The following CCAR1 variants were observed in gnomAD, a reference collection of about 807,000 sequenced individuals.
The protein encoded by CCAR1 is cell division cycle and apoptosis regulator protein 1.
In CCAR1, 78 loss-of-function variants were observed where a neutral mutation model predicts 163.8. That is an observed-to-expected ratio of 0.48 (90% confidence interval 0.40 to 0.57). The LOEUF (loss-of-function observed/expected upper bound fraction) is 0.57. Ranked by LOEUF, CCAR1 falls within the 20% of genes least tolerant of loss-of-function variation. The pLI is 0.00. For missense variants in CCAR1, 1,019 were observed against 1,365.2 expected (o/e 0.75, Z 4.00); for synonymous variants, 443 against 460.7 (o/e 0.96, Z 0.49).
chr10:68,776,331 A>C (rs930429386), intron 19 of CCAR1, among the ~76,000 whole-genome samples: 2 of 151,668 alleles, frequency 1.3e-5, no homozygotes, highest in African/African-American at 4.8e-5. Context: ...TGGGAGGCCA[A>C]GGTGGGTGGA....
intron 16 of CCAR1, among the ~76,000 whole-genome samples, chr10:68,764,232 T>C (rs984348118): frequency 2.0e-5 from 3 of 152,180 alleles, no homozygotes; most frequent in African/African-American, 7.2e-5. Flanking sequence ...TATTTAGTAA[T>C]GAAGCAGCTC....
chr10:68,755,223 A>G, intron 12 of CCAR1, 147 bp from the exon 13 acceptor site: 1 of 793,942 alleles, frequency 1.3e-6, no homozygotes, highest in Non-Finnish European at 2.3e-6. Flanking sequence ...AGTGTGGAAC[A>G]CAATGAACTG....
At chr10:68,782,265 T>C (rs894311801) in intron 19 of CCAR1, among the ~76,000 whole-genome samples, 1 of 152,060 alleles carries the variant, frequency 6.6e-6, no homozygotes, top group African/African-American at 2.4e-5. Flanking sequence ...TCATGAGGTT[T>C]AAGGAAAGCA....
intron 15 of CCAR1, 38 bp from the exon 16 acceptor site, chr10:68,760,969 C>T: frequency 1.8e-5 from 19 of 1,069,506 alleles, no homozygotes; most frequent in African/African-American, 3.3e-5. Context: ...CCCCCGCCAC[C>T]TTTTTTTTTT....
At chr10:68,747,628 C>A in intron 8 of CCAR1, 62 bp downstream of exon 8, 2 of 1,416,072 alleles carry the variant, frequency 1.4e-6, no homozygotes, top group Admixed American at 2.1e-5. Flanking sequence ...TGTAACTATG[C>A]TTTTAATTAC....
At chr10:68,769,828 C>G (rs568163356) in intron 17 of CCAR1, among the ~76,000 whole-genome samples, 1 of 150,750 alleles carries the variant, frequency 6.6e-6, no homozygotes, top group Non-Finnish European at 1.5e-5. Context: ...GTAGGCCCAG[C>G]TACTGGGGAG....
chr10:68,729,697 C>T (rs1041725779), intron 2 of CCAR1, among the ~76,000 whole-genome samples: 7 of 96,378 alleles, frequency 7.3e-5, no homozygotes, highest in Non-Finnish European at 1.3e-4. Flanking sequence ...AGCAAAACTC[C>T]GTCTTAAAAA....
intron 6 of CCAR1, among the ~76,000 whole-genome samples, chr10:68,745,014 A>AT (rs969338822): frequency 3.6e-5 from 5 of 138,838 alleles, no homozygotes; most frequent in South Asian, 2.4e-4. Flanking sequence ...TAATTAATTA[A>AT]TTTTTTTTGA....
At position 68,776,240 on chromosome 10, in the gene CCAR1, CT is replaced by C. The variant is rs141519351; in HGVS notation, c.2650+3145del. 6.5e-3 allele frequency among the ~76,000 whole-genome samples: 922 copies of C among 142,440 alleles called. 7 individuals are homozygous for C. The highest frequency in any genetic ancestry group is 0.026 in the African/African-American group (880 of 33,494). The allele number at this position is 142,440 out of a possible 152,430, so 93.4% of individuals were successfully genotyped here. On this transcript the variant is annotated intron_variant, in intron 19 of 24. Coordinates refer to ENST00000265872, the MANE Select transcript of CCAR1 (RefSeq NM_018237.4). ...TTCTCAAATTTCTAATTTTCTTTTTCTTTTCTTTTCTTTTCTTTTTTTTTTT... is the reference window on the plus strand; with the variant it reads ...TTCTCAAATTTCTAATTTTCTTTTTCTTTCTTTTCTTTTCTTTTTTTTTTT...
chr10:68,760,191 G>T (rs2056450882), intron 15 of CCAR1, among the ~76,000 whole-genome samples: 1 of 152,098 alleles, frequency 6.6e-6, no homozygotes, highest in Non-Finnish European at 1.5e-5. Context: ...CAAGGTCTCT[G>T]TCGCCGCGGC....
intron 16 of CCAR1, among the ~76,000 whole-genome samples, chr10:68,764,401 G>A (rs2133383968): frequency 6.6e-6 from 1 of 151,512 alleles, no homozygotes; most frequent in East Asian, 1.9e-4. Flanking sequence ...AAAAAATTTA[G>A]CCGAGCATGG....
At chr10:68,776,240 C>CT (rs141519351) in intron 19 of CCAR1, among the ~76,000 whole-genome samples, 2 of 142,348 alleles carry the variant, frequency 1.4e-5, no homozygotes, top group Non-Finnish European at 3.0e-5. Flanking sequence ...TTTTCTTTTT[C>CT]TTTTCTTTTC....
chr10:68,726,279 G>C (rs1210812341), intron 2 of CCAR1, among the ~76,000 whole-genome samples: 1 of 151,904 alleles, frequency 6.6e-6, no homozygotes, highest in East Asian at 1.9e-4. Context: ...AGCCTCCCAA[G>C]TAGCTGGGAC....
chr10:68,749,020 GA>G, intron 8 of CCAR1, 115 bp from the exon 9 acceptor site: 1 of 1,293,124 alleles, frequency 7.7e-7, no homozygotes, highest in Non-Finnish European at 1.1e-6. Context: ...GGCCAACTTT[GA>G]AAAAACAATT....
intron 19 of CCAR1, among the ~76,000 whole-genome samples, chr10:68,785,633 G>C (rs1169737401): frequency 6.6e-6 from 1 of 152,182 alleles, no homozygotes; most frequent in African/African-American, 2.4e-5. Context: ...CTCCCAAGTT[G>C]TGCCTGTATG....
chr10:68,723,494 C>CTCAT (rs1279639064), intron 2 of CCAR1, among the ~76,000 whole-genome samples: 1 of 151,958 alleles, frequency 6.6e-6, no homozygotes, highest in African/African-American at 2.4e-5. Context: ...AGTTTAGCTA[C>CTCAT]TCATTCATTA....
chr10:68,785,366 G>A (rs534022415), intron 19 of CCAR1, among the ~76,000 whole-genome samples: 6 of 151,972 alleles, frequency 3.9e-5, no homozygotes, highest in South Asian at 4.2e-4. Context: ...GACTACAGGC[G>A]TGTGCTACCA....
At chr10:68,772,757 C>CA (rs33999647) in intron 18 of CCAR1, among the ~76,000 whole-genome samples, 231 of 117,666 alleles carry the variant, frequency 2.0e-3, no homozygotes, top group East Asian at 7.1e-3. Context: ...GACTCCATCT[C>CA]AAAAAAAAAA....
intron 19 of CCAR1, among the ~76,000 whole-genome samples, chr10:68,778,043 A>AC (rs1429811802): frequency 6.6e-6 from 1 of 151,774 alleles, no homozygotes; most frequent in Admixed American, 6.6e-5. Flanking sequence ...ACATGGTGAA[A>AC]CCCCTTCTGC....
Sources: gnomAD v4.1 joint callset for allele counts (sites outside exome capture counted in the v4.1 genomes callset) on GRCh38, gnomAD v4.1.1 for gene constraint, MANE v1.5 for transcripts, NCBI Gene and HGNC (gene_info 2026-07-23, HGNC 2026-07-21) for gene names.